DLG2: variants seen among roughly 807,000 people sequenced by gnomAD.
DLG2 encodes the protein discs large MAGUK scaffold protein 2.
Under a neutral mutation model 132.5 loss-of-function variants are expected in DLG2, and 45 were observed. The observed-to-expected ratio is 0.34, with a 90% CI of 0.27 to 0.44. DLG2 has a LOEUF of 0.44. DLG2 is among the 20% of genes least tolerant of loss of function. DLG2 has a pLI of 1.00. For synonymous variants in DLG2, 424 were observed against 419.6 expected (o/e 1.01, Z -0.13); for missense variants, 1,045 against 1,196.9 (o/e 0.87, Z 1.87).
chr11:85,423,542 C>T (rs1362408245), intron 3 of DLG2, among the ~76,000 whole-genome samples: 5 of 152,026 alleles, frequency 3.3e-5, no homozygotes, highest in Admixed American at 3.3e-4. Flanking sequence ...AGGGAAGAAC[C>T]ACTGGGTGGG....
chr11:84,533,646 G>A (rs988793976), intron 7 of DLG2, among the ~76,000 whole-genome samples: 5 of 152,090 alleles, frequency 3.3e-5, no homozygotes, highest in Non-Finnish European at 5.9e-5. Context: ...ATAAGATCCA[G>A]AGAACACGGG....
At chr11:84,480,331 C>T (rs2099133488) in intron 7 of DLG2, among the ~76,000 whole-genome samples, 1 of 152,026 alleles carries the variant, frequency 6.6e-6, no homozygotes, top group African/African-American at 2.4e-5. Context: ...ATGTATGGAG[C>T]TGCAGTAATC....
chr11:84,854,451 C>T (rs1037748629), intron 6 of DLG2, among the ~76,000 whole-genome samples: 1 of 151,984 alleles, frequency 6.6e-6, no homozygotes, highest in African/African-American at 2.4e-5. Flanking sequence ...GATGCTACCA[C>T]CACTACCAAT....
intron 8 of DLG2, among the ~76,000 whole-genome samples, chr11:84,215,968 T>C (rs1472400872): frequency 3.3e-5 from 5 of 152,200 alleles, no homozygotes; most frequent in Non-Finnish European, 7.3e-5. Context: ...TTTCTATTGA[T>C]TCATAACACC....
intron 19 of DLG2, among the ~76,000 whole-genome samples, chr11:83,579,843 G>A (rs2096939526): frequency 2.0e-5 from 3 of 151,764 alleles, no homozygotes; most frequent in African/African-American, 7.3e-5. Context: ...GGTGGCATGT[G>A]CCTATGGTCC....
chr11:84,515,318 C>A (rs1048148850), intron 7 of DLG2, among the ~76,000 whole-genome samples: 2 of 141,522 alleles, frequency 1.4e-5, no homozygotes, highest in Non-Finnish European at 3.1e-5. Flanking sequence ...CACACACACC[C>A]CAAATATATG....
intron 18 of DLG2, among the ~76,000 whole-genome samples, chr11:83,739,318 G>A (rs1266678598): frequency 6.6e-6 from 1 of 152,076 alleles, no homozygotes; most frequent in Non-Finnish European, 1.5e-5. Context: ...AATAAATTAT[G>A]CATTTTTATT....
chr11:84,657,094 T>TA (rs2099689203), intron 6 of DLG2, among the ~76,000 whole-genome samples: 1 of 152,144 alleles, frequency 6.6e-6, no homozygotes, highest in African/African-American at 2.4e-5. Flanking sequence ...ATCACACAGC[T>TA]AGTAAAGCCT....
chr11:83,893,457 A>C (rs976220247), intron 15 of DLG2, among the ~76,000 whole-genome samples: 6 of 152,148 alleles, frequency 3.9e-5, no homozygotes, highest in Non-Finnish European at 7.3e-5. Flanking sequence ...TATTTTCGCT[A>C]GTTCTCTCTA....
intron 3 of DLG2, among the ~76,000 whole-genome samples, chr11:85,334,221 A>C (rs2081972452): frequency 6.6e-6 from 1 of 152,082 alleles, no homozygotes; most frequent in African/African-American, 2.4e-5. Context: ...CTGTGCATAG[A>C]AGTATTCATA....
At chr11:83,661,249 CTT>C (rs2074189675) in intron 18 of DLG2, among the ~76,000 whole-genome samples, 1 of 152,098 alleles carries the variant, frequency 6.6e-6, no homozygotes, top group Non-Finnish European at 1.5e-5. Context: ...TTCAACCTCT[CTT>C]GTGCTTAAAT....
intron 2 of DLG2, among the ~76,000 whole-genome samples, chr11:85,626,019 C>T (rs1008081646): frequency 6.6e-6 from 1 of 152,200 alleles, no homozygotes; most frequent in Non-Finnish European, 1.5e-5. Flanking sequence ...ACTTGACAAT[C>T]ATGTTATTGG....
At chr11:84,674,934 A>C (rs967775748) in intron 6 of DLG2, among the ~76,000 whole-genome samples, 1 of 152,146 alleles carries the variant, frequency 6.6e-6, no homozygotes, top group Non-Finnish European at 1.5e-5. Context: ...AAGACAGTTG[A>C]AATTAATTTT....
chr11:84,771,011 T>C (rs945288543), intron 6 of DLG2, among the ~76,000 whole-genome samples: 1 of 152,166 alleles, frequency 6.6e-6, no homozygotes, highest in African/African-American at 2.4e-5. Flanking sequence ...CCATTTTCTT[T>C]ATCCAGACAA....
chr11:83,596,867 T>G (rs973261619), intron 19 of DLG2, among the ~76,000 whole-genome samples: 1 of 152,238 alleles, frequency 6.6e-6, no homozygotes, highest in East Asian at 1.9e-4. Context: ...TTTCTTCTTA[T>G]GAAAATACAT....
intron 10 of DLG2, among the ~76,000 whole-genome samples, chr11:84,074,818 G>A (rs1281422432): frequency 3.3e-5 from 5 of 151,950 alleles, no homozygotes; most frequent in Admixed American, 6.6e-5. Context: ...TTGAGCCACC[G>A]CGCCCGGCCC....
At chr11:84,327,175 G>C (rs1020707579) in intron 7 of DLG2, among the ~76,000 whole-genome samples, 1 of 144,232 alleles carries the variant, frequency 6.9e-6, no homozygotes, top group African/African-American at 2.6e-5. Flanking sequence ...GGAGTGCGGT[G>C]GTGCAATCTC....
At chr11:84,129,857 T>C (rs2094343085) in intron 9 of DLG2, among the ~76,000 whole-genome samples, 1 of 151,998 alleles carries the variant, frequency 6.6e-6, no homozygotes, top group Non-Finnish European at 1.5e-5. Flanking sequence ...TATATCTCAA[T>C]AAAGGACTAA....
At chr11:83,761,107 A>G (rs1222700511) in intron 18 of DLG2, among the ~76,000 whole-genome samples, 1 of 152,172 alleles carries the variant, frequency 6.6e-6, no homozygotes, top group African/African-American at 2.4e-5. Flanking sequence ...CATGGAGCAC[A>G]TATGGCTTCT....
Sources: allele counts gnomAD v4.1 joint callset (sites outside exome capture counted in the v4.1 genomes callset), GRCh38; gene constraint gnomAD v4.1.1; transcripts MANE v1.5; gene names NCBI Gene and HGNC (gene_info 2026-07-23, HGNC 2026-07-21).